The following ABAT variants were observed in gnomAD, a reference collection of about 807,000 sequenced individuals.
ABAT encodes the protein 4-aminobutyrate aminotransferase, mitochondrial.
A neutral mutation model predicts 64.6 loss-of-function variants in ABAT; 45 were observed. The observed-to-expected ratio is 0.70, with a 90% CI of 0.55 to 0.89. The LOEUF is 0.89. Among genes scored for constraint, ABAT ranks in the 40% least tolerant of loss-of-function variants. The pLI is 0.00. For missense variants in ABAT, 633 were observed against 658.4 expected (o/e 0.96, Z 0.42); for synonymous variants, 297 against 250.5 (o/e 1.19, Z -1.75).
intron 1 of ABAT, among the ~76,000 whole-genome samples, chr16:8,682,114 G>C (rs543005709): frequency 1.3e-5 from 2 of 152,028 alleles, no homozygotes; most frequent in East Asian, 1.9e-4. Context: ...CCCTGGTTGA[G>C]AATCACCGGT....
chr16:8,688,527 T>C (rs1471242659), intron 1 of ABAT, among the ~76,000 whole-genome samples: 6 of 150,400 alleles, frequency 4.0e-5, no homozygotes, highest in African/African-American at 1.5e-4. Context: ...TCATGGCACG[T>C]GGTAAAACAC....
At chr16:8,778,776 C>CA (rs71152934) in intron 14 of ABAT, among the ~76,000 whole-genome samples, 37,542 of 133,358 alleles carry the variant, frequency 0.28, 4,898 homozygotes, top group East Asian at 0.41. Flanking sequence ...GACTCCATCT[C>CA]AAAAAAAAAA....
intron 1 of ABAT, among the ~76,000 whole-genome samples, chr16:8,723,828 T>TATATATATATATATATA (rs1491219171): frequency 5.2e-4 from 10 of 19,294 alleles, no homozygotes; most frequent in African/African-American, 1.3e-3. Context: ...TATATATATA[T>TATATATATATATATATA]TTTTTTTTTT....
intron 1 of ABAT, among the ~76,000 whole-genome samples, chr16:8,707,435 T>TCTCAGC (rs1170235323): frequency 6.8e-6 from 1 of 146,522 alleles, no homozygotes; most frequent in African/African-American, 2.5e-5. Flanking sequence ...AATCCTCCCA[T>TCTCAGC]CTCAGCCTCC....
intron 1 of ABAT, among the ~76,000 whole-genome samples, chr16:8,718,429 G>T (rs996209122): frequency 1.3e-5 from 2 of 152,234 alleles, no homozygotes; most frequent in Non-Finnish European, 2.9e-5. Flanking sequence ...AAAAAAGTTT[G>T]AGAAACATTG....
intron 1 of ABAT, among the ~76,000 whole-genome samples, chr16:8,716,904 C>T (rs1484685161): frequency 2.0e-5 from 3 of 152,194 alleles, no homozygotes; most frequent in Non-Finnish European, 1.5e-5. Flanking sequence ...CGTGGCTATT[C>T]TAAACTGTGA....
At chr16:8,757,925 G>A (rs2059693079) in intron 6 of ABAT, 119 bp downstream of exon 6, 1 of 1,170,986 alleles carries the variant, frequency 8.5e-7, no homozygotes, top group Middle Eastern at 1.9e-4. Context: ...AATATGTATT[G>A]AGCCCATACT....
At chr16:8,772,274 G>A (rs924274344) in intron 11 of ABAT, among the ~76,000 whole-genome samples, 2 of 79,960 alleles carry the variant, frequency 2.5e-5, no homozygotes, top group African/African-American at 1.5e-4. Flanking sequence ...GTGTGTGTGT[G>A]TGTGTGTGTG....
At chr16:8,702,804 G>C (rs2057854720) in intron 1 of ABAT, among the ~76,000 whole-genome samples, 1 of 152,156 alleles carries the variant, frequency 6.6e-6, no homozygotes, top group African/African-American at 2.4e-5. Context: ...TTTTGCAAAG[G>C]ACTGCTCTGG....
Position 8,764,866 on chromosome 16 carries a change from G to C in ABAT, c.540+36G>C. The C allele has an allele frequency of 7.7e-7, 1 of 1,297,762 alleles. No individual in the cohort carries two copies. Among genetic ancestry groups the C allele is most frequent in the Non-Finnish European group, 1.1e-6 (1 of 913,388 alleles). The allele number at this position is 1,297,762 out of a possible 1,614,324, so 80.4% of individuals were successfully genotyped here. ...GGGCACACACACACACACACACACAGGCTCCCCAGCACCCAGCCACACGCT... is the reference window on the plus strand; with the variant it reads ...GGGCACACACACACACACACACACACGCTCCCCAGCACCCAGCCACACGCT... On this transcript the variant is annotated intron_variant, in intron 8 of 15. Transcript: ENST00000268251. This position sits in a 1 kb window ranked among gnomAD's most constrained non-coding sequence, Gnocchi z 4.2.
intron 1 of ABAT, among the ~76,000 whole-genome samples, chr16:8,682,639 C>G (rs2057362509): frequency 6.6e-6 from 1 of 152,182 alleles, no homozygotes; most frequent in African/African-American, 2.4e-5. Context: ...GTCCAGAGGT[C>G]CCGTAATCTT....
At chr16:8,680,412 A>G (rs866780831) in intron 1 of ABAT, among the ~76,000 whole-genome samples, 1 of 152,130 alleles carries the variant, frequency 6.6e-6, no homozygotes, top group South Asian at 2.1e-4. Context: ...GACCATTTTC[A>G]TCATTTTATT....
intron 1 of ABAT, among the ~76,000 whole-genome samples, chr16:8,728,068 CAGAGAG>C (rs112812315): frequency 0.35 from 52,601 of 150,462 alleles, 9,500 homozygotes; most frequent in East Asian, 0.49. Context: ...GAGACCCTGT[CAGAGAG>C]AGAGAGAGAG....
intron 2 of ABAT, among the ~76,000 whole-genome samples, chr16:8,743,160 A>G (rs2059214702): frequency 6.6e-6 from 1 of 151,626 alleles, no homozygotes; most frequent in Non-Finnish European, 1.5e-5. Flanking sequence ...CTGTATTTTA[A>G]CGGTACTTTA....
intron 9 of ABAT, among the ~76,000 whole-genome samples, chr16:8,767,385 G>A (rs9923086): frequency 0.076 from 11,522 of 152,194 alleles, 1,287 homozygotes; most frequent in African/African-American, 0.24. Flanking sequence ...AAGGTGCCCA[G>A]CTCGGCCCCT....
chr16:8,758,565 G>A (rs2059708128), intron 6 of ABAT, among the ~76,000 whole-genome samples: 1 of 151,898 alleles, frequency 6.6e-6, no homozygotes, highest in Admixed American at 6.6e-5. Flanking sequence ...GTTGACATCC[G>A]TAGCCAGATA....
chr16:8,722,684 C>T (rs988414014), intron 1 of ABAT: 3 of 591,554 alleles, frequency 5.1e-6, no homozygotes, highest in African/African-American at 2.0e-5. Flanking sequence ...CTCCAACCTC[C>T]TTGGTCACAA....
intron 1 of ABAT, among the ~76,000 whole-genome samples, chr16:8,704,803 G>A (rs1209343239): frequency 6.6e-6 from 1 of 151,860 alleles, no homozygotes; most frequent in Non-Finnish European, 1.5e-5. Context: ...CTCTACCATT[G>A]GTCATTTACA....
intron 1 of ABAT, among the ~76,000 whole-genome samples, chr16:8,686,777 A>T (rs1158925563): frequency 3.3e-5 from 5 of 152,194 alleles, no homozygotes; most frequent in Non-Finnish European, 5.9e-5. Flanking sequence ...TCCTCCATCA[A>T]AGGGTGCAAT....
Sources: gnomAD v4.1 joint callset for allele counts (sites outside exome capture counted in the v4.1 genomes callset) on GRCh38, gnomAD v4.1.1 for gene constraint, Gnocchi (gnomAD v3.1) non-coding constraint, MANE v1.5 for transcripts, NCBI Gene and HGNC (gene_info 2026-07-23, HGNC 2026-07-21) for gene names.